The following EFCAB8 variants were observed in gnomAD, a reference collection of about 807,000 sequenced individuals.
EFCAB8 encodes the protein EF-hand calcium-binding domain-containing protein 8.
Under a neutral mutation model 116.3 loss-of-function variants are expected in EFCAB8, and 100 were observed. That is an observed-to-expected ratio of 0.86 (90% CI 0.73 to 1.02). The LOEUF (loss-of-function observed/expected upper bound fraction) is 1.02, where lower values mean the gene tolerates loss of function less well. EFCAB8 is among the 50% of genes least tolerant of loss of function. The probability of loss-of-function intolerance (pLI) is 0.00; values close to 1 mark genes in which losing one functional copy is unlikely to be tolerated. For missense variants in EFCAB8, 1,320 were observed against 1,416.9 expected, an observed-to-expected ratio of 0.93 and a Z score of 1.10; for synonymous variants, 558 against 567.9, an observed-to-expected ratio of 0.98 and a Z score of 0.25.
intron 23 of EFCAB8, among the ~76,000 whole-genome samples, chr20:32,944,236 G>A (rs1988509538): frequency 6.6e-6 from 1 of 151,904 alleles, no homozygotes; most frequent in Non-Finnish European, 1.5e-5. Context: ...ACACTTTTTT[G>A]TCCCCTTTTC....
At position 32,961,117 on chromosome 20, in the gene EFCAB8, C is replaced by G; in HGVS notation, c.3394-19C>G. Reference sequence around the variant, plus strand: ...TCCAACTGGTGCCCCATTCCCGCTCCCCACTCTGTTCCCTGCAGATCTCGC... The same window carrying G: ...TCCAACTGGTGCCCCATTCCCGCTCGCCACTCTGTTCCCTGCAGATCTCGC... On this transcript the variant is annotated intron_variant, in intron 26 of 26. Coordinates refer to ENST00000400522, the MANE Select transcript of EFCAB8 (RefSeq NM_001143967.2). 6.5e-7 allele frequency: 1 copy of G among 1,549,788 alleles called. No individual in the cohort carries two copies. The highest frequency in any genetic ancestry group is 8.7e-7 in the Non-Finnish European group (1 of 1,145,064).
chr20:32,908,655 C>T (rs975765241), intron 14 of EFCAB8, among the ~76,000 whole-genome samples: 8 of 152,244 alleles, frequency 5.3e-5, no homozygotes, highest in African/African-American at 1.4e-4. Context: ...CCCACTCAGG[C>T]GTCCTCAGCC....
chr20:32,876,058 C>T lies in EFCAB8; in HGVS notation c.327+14C>T. 6.5e-7 allele frequency: 1 copy of T among 1,548,736 alleles called. No individual in the cohort carries two copies. The highest frequency in any genetic ancestry group is 2.4e-5 in the East Asian group (1 of 40,902). On this transcript the variant is annotated intron_variant, in intron 4 of 26. Transcript: ENST00000400522. ...TTTGTCACCTGGGTGAGGAGGGTGC[C>T]CCTGCTTCCTCAGGTGCTGGAGGGA...
At chr20:32,922,624 G>A (rs2146263850) in intron 20 of EFCAB8, among the ~76,000 whole-genome samples, 1 of 152,326 alleles carries the variant, frequency 6.6e-6, no homozygotes, top group South Asian at 2.1e-4. Flanking sequence ...CATGGGAGGA[G>A]ATGGCATTGC....
chr20:32,890,153 C>T, intron 7 of EFCAB8, among the ~76,000 whole-genome samples: 1 of 152,164 alleles, frequency 6.6e-6, no homozygotes, highest in East Asian at 1.9e-4. Flanking sequence ...GTCTGTGAGG[C>T]CTTCAGAGGT....
intron 22 of EFCAB8, among the ~76,000 whole-genome samples, chr20:32,932,240 G>A (rs570522085): frequency 6.6e-6 from 1 of 152,280 alleles, no homozygotes; most frequent in South Asian, 2.1e-4. Context: ...AGCTGGGTGT[G>A]GCGGTGCACG....
intron 1 of EFCAB8, 39 bp from the exon 2 acceptor site, chr20:32,863,744 A>C (rs1984246278): frequency 6.5e-7 from 1 of 1,544,606 alleles, no homozygotes; most frequent in Non-Finnish European, 8.7e-7. Context: ...TGGTCCTTAC[A>C]ACGACTGGAG....
chr20:32,914,768 A>T (rs555072930), intron 17 of EFCAB8, among the ~76,000 whole-genome samples: 1 of 152,324 alleles, frequency 6.6e-6, no homozygotes, highest in South Asian at 2.1e-4. Context: ...CCCTCCCTCA[A>T]CATATGGGGA....
At chr20:32,913,801 T>C (rs1297836607) in intron 17 of EFCAB8, among the ~76,000 whole-genome samples, 1 of 152,232 alleles carries the variant, frequency 6.6e-6, no homozygotes, top group African/African-American at 2.4e-5. Flanking sequence ...GGACAGGTCC[T>C]GAGCAAGTCA....
intron 22 of EFCAB8, among the ~76,000 whole-genome samples, chr20:32,936,114 C>T (rs191811719): frequency 3.9e-5 from 6 of 151,978 alleles, no homozygotes; most frequent in Admixed American, 6.6e-5. Context: ...CTCACTGCAA[C>T]CTCTGCCTCC....
chr20:32,866,836 C>G (rs1191018764), intron 2 of EFCAB8, among the ~76,000 whole-genome samples: 1 of 140,626 alleles, frequency 7.1e-6, no homozygotes, highest in African/African-American at 2.6e-5. Flanking sequence ...TTCCCTCCTT[C>G]CTTCCTTCCT....
intron 4 of EFCAB8, 111 bp from the exon 5 acceptor site, chr20:32,878,593 C>T (rs926980950): frequency 4.1e-6 from 3 of 735,172 alleles, no homozygotes; most frequent in Non-Finnish European, 6.7e-6. Flanking sequence ...TCTCGGCTCA[C>T]TGCAAGCTCC....
In EFCAB8 at chr20:32,911,723, C is replaced by T. The variant is rs892224370; in HGVS notation, c.1785+16C>T. The T allele has an allele frequency of 8.4e-6, 13 of 1,550,808 alleles. No individual in the cohort carries two copies. The highest frequency in any genetic ancestry group is 1.1e-5 in the Non-Finnish European group (13 of 1,146,388). On this transcript the variant is annotated intron_variant, in intron 16 of 26. Transcript: ENST00000400522. ...ACAGCTGGAGGTCAGTCTTGCTTGT[C>T]AATTACAGCCAGGGACGGCCTCTTG... is the stretch of plus-strand genomic sequence containing the variant.
At chr20:32,960,187 A>C (rs1309229192) in intron 26 of EFCAB8, 26 bp downstream of exon 26, 2 of 1,548,358 alleles carry the variant, frequency 1.3e-6, no homozygotes, top group East Asian at 2.4e-5. Context: ...GCAGCTCCCC[A>C]AGAGGCTGGG....
intron 10 of EFCAB8, 131 bp from the exon 11 acceptor site, chr20:32,898,362 C>T (rs1043504185): frequency 1.7e-6 from 1 of 592,456 alleles, no homozygotes; most frequent in African/African-American, 1.9e-5. Context: ...ACTTTGTGAT[C>T]ACTAGGAGAA....
In EFCAB8 at chr20:32,931,273, G is replaced by T; in HGVS notation, c.2727G>T (p.Arg909=). The T allele has an allele frequency of 8.4e-6, 13 of 1,551,628 alleles. No homozygotes were observed. Among genetic ancestry groups the T allele is most frequent in the South Asian group, 1.2e-5 (1 of 84,032 alleles). Residue 909 remains arginine, a synonymous_variant, in exon 22 of 27, where the codon CGG becomes CGT. Transcript: ENST00000400522. ...TCTCTGAAGCACACAACAAGTTCCG[G>T]TTGTTAATTCCTCAGCAACTTGGGA... ...KVVSEAHNKF[R]LLIPQQLGTN...
chr20:32,917,252 G>A, intron 17 of EFCAB8, 49 bp from the exon 18 acceptor site: 3 of 1,398,990 alleles, frequency 2.1e-6, no homozygotes, highest in East Asian at 2.5e-5. Flanking sequence ...AATGGATGGA[G>A]CATTACAGGC....
Position 32,939,860 on chromosome 20 carries a change from A to C in EFCAB8, c.2791-3776A>C, listed in dbSNP as rs867931594. ...CAGGTGCCCGCCACCATGCCTGGCT[A>C]ATTTTTGTATTTTCAGTAGAGATGG... On this transcript the variant is annotated intron_variant, in intron 22 of 26. Transcript: ENST00000400522. Among the ~76,000 whole-genome samples, 19 of 147,468 alleles carry C rather than the reference A, an allele frequency of 1.3e-4. 2 individuals are homozygous for C. Among genetic ancestry groups the C allele is most frequent in the Middle Eastern group, 3.4e-3 (1 of 290 alleles).
In EFCAB8 at chr20:32,920,293, G is replaced by A. The variant is rs979177737; in HGVS notation, c.2412+78G>A. On this transcript the variant is annotated intron_variant, in intron 20 of 26. Transcript: ENST00000400522. ...GGATTGGGTGGTCAGGATGGGGCTCGGGGGCCTGGGCTCGGGGCCCGGCCT... is the reference window on the plus strand; with the variant it reads ...GGATTGGGTGGTCAGGATGGGGCTCAGGGGCCTGGGCTCGGGGCCCGGCCT... The A allele has an allele frequency of 2.3e-5, 35 of 1,508,078 alleles. No homozygotes were observed. The African/African-American group carries it at 2.7e-4, about 11-fold the overall frequency. The allele number at this position is 1,508,078 out of a possible 1,614,324, so 93.4% of individuals were successfully genotyped here.
Sources: allele counts gnomAD v4.1 joint callset (sites outside exome capture counted in the v4.1 genomes callset), GRCh38; gene constraint gnomAD v4.1.1; transcripts MANE v1.5; gene names NCBI Gene and HGNC (gene_info 2026-07-23, HGNC 2026-07-21).